Variants in TMEM178B observed in about 807,000 individuals in gnomAD.
The protein encoded by TMEM178B is transmembrane protein 178B.
In TMEM178B, 5 loss-of-function variants were observed where a neutral mutation model predicts 31.0. The ratio of observed to expected loss-of-function variants is 0.16; its 90% confidence interval spans 0.08 to 0.34. The LOEUF is 0.34. Ranked by LOEUF, TMEM178B falls within the 10% of genes least tolerant of loss-of-function variation. The probability of loss-of-function intolerance (pLI) is 1.00; values close to 1 mark genes in which losing one functional copy is unlikely to be tolerated. For missense variants in TMEM178B, 275 were observed against 400.3 expected (o/e 0.69, Z 2.67); for synonymous variants, 164 against 164.0 (o/e 1.00, Z 0.00).
At chr7:141,425,818 A>G (rs1333365462) in intron 2 of TMEM178B, among the ~76,000 whole-genome samples, 1 of 152,158 alleles carries the variant, frequency 6.6e-6, no homozygotes, top group Non-Finnish European at 1.5e-5. Context: ...ATTTAGAGCA[A>G]TTCTCTGATC....
At chr7:141,360,819 T>C (rs1799905647) in intron 2 of TMEM178B, among the ~76,000 whole-genome samples, 1 of 152,198 alleles carries the variant, frequency 6.6e-6, no homozygotes, top group Non-Finnish European at 1.5e-5. Flanking sequence ...TACGTTTTGG[T>C]TTATAGGTGT....
the TMEM178B span, among the ~76,000 whole-genome samples, chr7:141,506,299 CT>C: frequency 2.0e-5 from 3 of 152,222 alleles, no homozygotes; most frequent in South Asian, 6.2e-4. Context: ...TGCAAAGCAT[CT>C]GCATTATTTT....
intron 2 of TMEM178B, among the ~76,000 whole-genome samples, chr7:141,372,528 T>C (rs1435449117): frequency 6.6e-6 from 1 of 152,194 alleles, no homozygotes; most frequent in African/African-American, 2.4e-5. Flanking sequence ...TCTGCTTACA[T>C]TCTAGGTTCC....
intron 1 of TMEM178B, among the ~76,000 whole-genome samples, chr7:141,107,456 GGC>G (rs1328723070): frequency 2.0e-5 from 3 of 152,192 alleles, no homozygotes; most frequent in African/African-American, 7.2e-5. Flanking sequence ...TCACAGTGTT[GGC>G]AGTGGAGCGG....
chr7:141,127,253 T>A (rs552980108), intron 1 of TMEM178B, among the ~76,000 whole-genome samples: 81 of 152,286 alleles, frequency 5.3e-4, no homozygotes, highest in African/African-American at 1.8e-3. Context: ...AAAAGAATAT[T>A]TGGTAAACTT....
At chr7:141,215,834 C>CTTTCT (rs199829606) in intron 2 of TMEM178B, among the ~76,000 whole-genome samples, 304 of 28,852 alleles carry the variant, frequency 0.011, 5 homozygotes, top group Admixed American at 0.025. Context: ...TTCTTTCTTT[C>CTTTCT]TTTCTTTTCT....
the TMEM178B span, among the ~76,000 whole-genome samples, chr7:141,488,493 G>T: frequency 3.0e-4 from 45 of 151,706 alleles, no homozygotes; most frequent in South Asian, 9.2e-3. Context: ...AGACTGGAGT[G>T]CAGTGGTGCA....
chr7:141,286,087 TATA>T (rs750611146), intron 2 of TMEM178B, among the ~76,000 whole-genome samples: 7 of 151,320 alleles, frequency 4.6e-5, no homozygotes, highest in Non-Finnish European at 8.8e-5. Flanking sequence ...AACTTAAAAG[TATA>T]ATAATAATAA....
chr7:141,373,972 T>A (rs559568781), intron 2 of TMEM178B, among the ~76,000 whole-genome samples: 1 of 152,288 alleles, frequency 6.6e-6, no homozygotes, highest in African/African-American at 2.4e-5. Flanking sequence ...GGGATGGACT[T>A]TAACAGACAA....
rs530558639 is a variant in TMEM178B at position 141,153,859 on chromosome 7, A to G, written c.383-58732A>G. Among the ~76,000 whole-genome samples the G allele has an allele frequency of 3.7e-4, 56 of 152,226 alleles. 1 individual carries two copies. Among genetic ancestry groups the G allele is most frequent in the African/African-American group, 1.1e-3 (47 of 41,550 alleles). ...TTTATCATGTACTTTCATTTTTATC[A>G]TATCTTTAACATACAGAAGTTTTAA... On this transcript the variant is annotated intron_variant, in intron 1 of 3. Coordinates refer to ENST00000565468, the MANE Select transcript of TMEM178B (RefSeq NM_001195278.2).
the TMEM178B span, among the ~76,000 whole-genome samples, chr7:141,492,264 T>A: frequency 6.6e-6 from 1 of 152,194 alleles, no homozygotes; most frequent in Non-Finnish European, 1.5e-5. Context: ...CCTTCAGATC[T>A]TGGCTTACAT....
rs890096904 is a variant in TMEM178B, at chr7:141,408,817, C to T, written c.497-28791C>T. On this transcript the variant is annotated intron_variant, in intron 2 of 3. Coordinates refer to ENST00000565468, the MANE Select transcript of TMEM178B (RefSeq NM_001195278.2). ...CCTGGTGGGCTCTGAAAGTCCCAGA[C>T]GTGTCAACCACGCAGAAAGGGGAGG... 2.6e-5 allele frequency among the ~76,000 whole-genome samples: 4 copies of T among 152,138 alleles called. No individual in the cohort carries two copies. The East Asian group carries it at 7.7e-4, about 29-fold the overall frequency.
chr7:141,187,123 G>A (rs1471775224), intron 1 of TMEM178B, among the ~76,000 whole-genome samples: 2 of 120,864 alleles, frequency 1.7e-5, no homozygotes, highest in Non-Finnish European at 3.2e-5. Flanking sequence ...CCTGGTGTGT[G>A]ATGTTCCCCT....
intron 1 of TMEM178B, among the ~76,000 whole-genome samples, chr7:141,188,526 T>C (rs1796648252): frequency 6.6e-6 from 1 of 152,214 alleles, no homozygotes; most frequent in Admixed American, 6.5e-5. Flanking sequence ...ACTTGCCCAG[T>C]TATACACAAT....
Position 141,477,266 on chromosome 7 carries a change from T to TAA in TMEM178B, c.*6481_*6482insAA, listed in dbSNP as rs1308021918. On this transcript the variant is annotated 3_prime_UTR_variant, in exon 4 of 4. Coordinates refer to ENST00000565468, the MANE Select transcript of TMEM178B (RefSeq NM_001195278.2). ...CTATTCAAGACTATCTGTAAAAATG[T>TAA]ACAAATAAAAGTGAAAACTGAAAAT... 1 of 154,798 alleles carries TAA rather than the reference T, an allele frequency of 6.5e-6. No individual in the cohort carries two copies. The highest frequency in any genetic ancestry group is 6.5e-5 in the Admixed American group (1 of 15,294). The allele number at this position is 154,798 out of a possible 1,614,324, so 9.6% of individuals were successfully genotyped here. A position where few individuals can be genotyped will look rare whatever the true frequency, so the allele number is the denominator to read the frequency against.
At chr7:141,212,966 T>A (rs1797073786) in intron 2 of TMEM178B, among the ~76,000 whole-genome samples, 2 of 152,268 alleles carry the variant, frequency 1.3e-5, no homozygotes, top group African/African-American at 2.4e-5. Flanking sequence ...ACAGTCATCT[T>A]ATTTCACTAC....
intron 2 of TMEM178B, among the ~76,000 whole-genome samples, chr7:141,244,382 T>C (rs1256270925): frequency 1.3e-5 from 2 of 152,188 alleles, no homozygotes; most frequent in African/African-American, 4.8e-5. Context: ...AATTGAGCCT[T>C]GAAGGTAGCT....
At chr7:141,207,815 G>C (rs1282104226) in intron 1 of TMEM178B, among the ~76,000 whole-genome samples, 1 of 152,110 alleles carries the variant, frequency 6.6e-6, no homozygotes, top group Admixed American at 6.5e-5. Context: ...CTAGCACTTT[G>C]GGAGGAAGAG....
At chr7:141,162,030 A>G (rs1053868048) in intron 1 of TMEM178B, among the ~76,000 whole-genome samples, 25 of 151,972 alleles carry the variant, frequency 1.6e-4, no homozygotes, top group Non-Finnish European at 3.5e-4. Flanking sequence ...AGCAGCCAGC[A>G]CTCCCTTGCC....
Sources: allele counts gnomAD v4.1 joint callset (sites outside exome capture counted in the v4.1 genomes callset), GRCh38; gene constraint gnomAD v4.1.1; transcripts MANE v1.5; gene names NCBI Gene and HGNC (gene_info 2026-07-23, HGNC 2026-07-21).